SPTBN4: variants seen among roughly 807,000 people sequenced by gnomAD.
SPTBN4 encodes spectrin beta chain, non-erythrocytic 4.
SPTBN4 carries 96 observed loss-of-function variants against 277.8 expected under a neutral mutation model. That is an observed-to-expected ratio of 0.35 (90% confidence interval 0.29 to 0.41). The LOEUF is 0.41. Ranked by LOEUF, SPTBN4 falls within the 10% of genes least tolerant of loss-of-function variation. The probability of loss-of-function intolerance (pLI) is 1.00; values close to 1 mark genes in which losing one functional copy is unlikely to be tolerated. For missense variants in SPTBN4, 3,006 were observed against 3,595.7 expected, an observed-to-expected ratio of 0.84 and a Z score of 4.19; for synonymous variants, 1,481 against 1,580.3, an observed-to-expected ratio of 0.94 and a Z score of 1.49.
At chr19:40,483,785 A>C (rs143076925) in intron 2 of SPTBN4, among the ~76,000 whole-genome samples, 3 of 152,182 alleles carry the variant, frequency 2.0e-5, no homozygotes, top group Non-Finnish European at 4.4e-5. Flanking sequence ...ATTTTAGTGC[A>C]TCCCTAGAGT....
At chr19:40,517,765 C>T (rs903117335) in intron 15 of SPTBN4, among the ~76,000 whole-genome samples, 1 of 152,152 alleles carries the variant, frequency 6.6e-6, no homozygotes, top group Non-Finnish European at 1.5e-5. Context: ...CACATGATCT[C>T]GTTACACACT....
At chr19:40,475,745 A>C (rs1375935978) in intron 2 of SPTBN4, among the ~76,000 whole-genome samples, 2 of 150,228 alleles carry the variant, frequency 1.3e-5, no homozygotes, top group African/African-American at 4.9e-5. Flanking sequence ...TACAGGCATG[A>C]GCCATGGCGC....
chr19:40,555,122 C>G (rs2080962502), intron 24 of SPTBN4: 1 of 156,694 alleles, frequency 6.4e-6, no homozygotes, highest in Non-Finnish European at 1.4e-5. Flanking sequence ...AGAGAGACCT[C>G]TGTCCAAGTG....
intron 27 of SPTBN4, among the ~76,000 whole-genome samples, chr19:40,562,554 G>C (rs2081053807): frequency 1.5e-5 from 2 of 129,084 alleles, no homozygotes; most frequent in African/African-American, 5.9e-5. Context: ...AAAAAAAAAG[G>C]CTGGGCACAG....
At chr19:40,505,456 C>T (rs1360068729) in intron 12 of SPTBN4, among the ~76,000 whole-genome samples, 1 of 150,650 alleles carries the variant, frequency 6.6e-6, no homozygotes, top group East Asian at 1.9e-4. Flanking sequence ...CTTTGGGAGG[C>T]TGAGGCAGGC....
chr19:40,499,365 G>A (rs1258155654), intron 7 of SPTBN4, among the ~76,000 whole-genome samples: 2 of 151,664 alleles, frequency 1.3e-5, no homozygotes, highest in Non-Finnish European at 2.9e-5. Context: ...TTATCCAACT[G>A]AATTTAATAT....
chr19:40,557,205 C>T lies in SPTBN4; in HGVS notation c.5472C>T (p.Gly1824=). ...GGGCTGAGCTGCTGGAGCTCATGGG[C>T]ACACGGGCCCAGCTGCTGGCCGCCT... ...EAWAELLELM[G]TRAQLLAASR... The change falls in exon 26 of 36, where the codon GGC becomes GGT. Residue 1824 remains glycine (G), a synonymous_variant. Coordinates refer to ENST00000598249, the MANE Select transcript of SPTBN4 (RefSeq NM_020971.3). 6.2e-7 allele frequency: 1 copy of T among 1,610,554 alleles called. No homozygotes were observed. Among genetic ancestry groups the T allele is most frequent in the South Asian group, 1.1e-5 (1 of 90,856 alleles).
At chr19:40,469,418 C>A (rs1213832870) in intron 1 of SPTBN4, among the ~76,000 whole-genome samples, 1 of 151,812 alleles carries the variant, frequency 6.6e-6, no homozygotes, top group Admixed American at 6.6e-5. Context: ...GCACCTGCAA[C>A]CTTGCCCACC....
At chr19:40,551,367 C>G (rs1351468563) in intron 22 of SPTBN4, among the ~76,000 whole-genome samples, 1 of 150,096 alleles carries the variant, frequency 6.7e-6, no homozygotes, top group Non-Finnish European at 1.5e-5. Context: ...CCACCCTGTG[C>G]AACAGAATGA....
At chr19:40,537,432 A>T (rs1230161154) in intron 20 of SPTBN4, among the ~76,000 whole-genome samples, 3 of 152,204 alleles carry the variant, frequency 2.0e-5, no homozygotes, top group Non-Finnish European at 2.9e-5. Flanking sequence ...TGCTGGAGAG[A>T]GAATGAGAAT....
chr19:40,565,732 G>T lies in SPTBN4; in HGVS notation c.6126G>T (p.Glu2042Asp). The change falls in exon 29 of 36, where the codon GAG becomes GAT. Residue 2042 changes from glutamate (E) to aspartate (D), a missense_variant. Glu to Asp is a conservative substitution (Grantham distance 45). Around this residue, in one of 5 missense-constraint regions of SPTBN4, gnomAD observed 425 missense variants for 594.7 expected, o/e 0.71. Transcript: ENST00000598249. ...EVSEKWDRHW[E>D]WLQQMLEVHQ... ...CGGAAAAGTGGGACCGCCATTGGGAGTGGCTGCAGCAGAGTGAGTGGGGGC... is the reference window on the plus strand; with the variant it reads ...CGGAAAAGTGGGACCGCCATTGGGATTGGCTGCAGCAGAGTGAGTGGGGGC... 6.4e-7 allele frequency: 1 copy of T among 1,552,732 alleles called. No homozygotes were observed.
chr19:40,516,072 A>G (rs1037549405), intron 15 of SPTBN4, among the ~76,000 whole-genome samples: 8 of 147,210 alleles, frequency 5.4e-5, no homozygotes, highest in Non-Finnish European at 1.0e-4. Context: ...ATATATATGT[A>G]TATATATATA....
At chr19:40,566,984 C>A (rs1165835) in intron 30 of SPTBN4, 129,326 of 248,406 alleles carry the variant, frequency 0.52, 35,297 homozygotes, top group African/African-American at 0.63. Context: ...AAAAAAAAAA[C>A]AACAAAAAAA....
At chr19:40,489,331 G>A (rs1042973096) in intron 3 of SPTBN4, among the ~76,000 whole-genome samples, 1 of 152,092 alleles carries the variant, frequency 6.6e-6, no homozygotes, top group Admixed American at 6.6e-5. Context: ...TGATTGGGAT[G>A]GGCGTGGTTC....
intron 26 of SPTBN4, among the ~76,000 whole-genome samples, chr19:40,558,866 C>T (rs1454146903): frequency 1.3e-5 from 2 of 150,370 alleles, no homozygotes. Context: ...TCTCGGCCTC[C>T]CAAAGTGCTG....
chr19:40,478,591 G>C (rs751917349), intron 2 of SPTBN4, among the ~76,000 whole-genome samples: 1 of 152,018 alleles, frequency 6.6e-6, no homozygotes, highest in Non-Finnish European at 1.5e-5. Flanking sequence ...TGTCACCCAG[G>C]CTGGAGTGCA....
At position 40,503,918 on chromosome 19, in the gene SPTBN4, G is replaced by A. The variant is rs781452073; in HGVS notation, c.1451G>A (p.Arg484Gln). The A allele has an allele frequency of 1.2e-6, 2 of 1,613,786 alleles. No homozygotes were observed. Among genetic ancestry groups the A allele is most frequent in the Non-Finnish European group, 1.7e-6 (2 of 1,179,824 alleles). ...GCAGACATTGCGGCCTACGAGGAGCGGGTGCAGGGTGTGGCGGAGCTGGCC... is the reference window on the plus strand; with the variant it reads ...GCAGACATTGCGGCCTACGAGGAGCAGGTGCAGGGTGTGGCGGAGCTGGCC... ...IEADIAAYEERVQGVAELAQA... is the reference protein window; with the variant it reads ...IEADIAAYEEQVQGVAELAQA... The change falls in exon 12 of 36, where the codon CGG (arginine) becomes CAG (glutamine). Residue 484 changes from arginine (R) to glutamine (Q), a missense_variant. By Grantham distance (43) the Arg-to-Gln change is conservative (BLOSUM62 1). Coordinates refer to ENST00000598249, the MANE Select transcript of SPTBN4 (RefSeq NM_020971.3).
At position 40,515,105 on chromosome 19, in the gene SPTBN4, A is replaced by AATAC. The variant is rs1422469841; in HGVS notation, c.2766-194_2766-191dup. On this transcript the variant is annotated intron_variant, in intron 14 of 35. Coordinates refer to ENST00000598249, the MANE Select transcript of SPTBN4 (RefSeq NM_020971.3). This position sits in a 1 kb window ranked among gnomAD's most constrained non-coding sequence, Gnocchi z 4.1. The stretch of plus-strand genomic sequence containing the variant: ...GGGTGACAGAGCGAGACTCTGTCTC[A>AATAC]ATACATACATACATAAATTAATTAA... Among the ~76,000 whole-genome samples the AATAC allele has an allele frequency of 6.6e-6, 1 of 152,156 alleles. No homozygotes were observed. Among genetic ancestry groups the AATAC allele is most frequent in the Non-Finnish European group, 1.5e-5 (1 of 68,028 alleles).
intron 2 of SPTBN4, among the ~76,000 whole-genome samples, chr19:40,476,323 C>T (rs886742289): frequency 3.7e-5 from 5 of 135,526 alleles, no homozygotes; most frequent in African/African-American, 1.4e-4. Flanking sequence ...CCAGCCTGGG[C>T]GTCAATAGCA....
Sources: gnomAD v4.1 joint callset for allele counts (sites outside exome capture counted in the v4.1 genomes callset) on GRCh38, gnomAD v4.1.1 for gene constraint, gnomAD v4.1.1 regional missense constraint, Gnocchi (gnomAD v3.1) non-coding constraint, MANE v1.5 for transcripts, NCBI Gene and HGNC (gene_info 2026-07-23, HGNC 2026-07-21) for gene names.